The following NME7 variants were observed in gnomAD, a reference collection of about 807,000 sequenced individuals.
NME7 encodes the protein NME/NM23 family member 7.
A neutral mutation model predicts 49.1 loss-of-function variants in NME7; 41 were observed. The ratio of observed to expected loss-of-function variants is 0.83; its 90% confidence interval spans 0.65 to 1.08. The LOEUF is 1.08. Among genes scored for constraint, NME7 ranks in the 50% least tolerant of loss-of-function variants. The pLI, the probability that NME7 is intolerant of heterozygous loss-of-function variation, is 0.00. For missense variants in NME7, 423 were observed against 463.4 expected (o/e 0.91, Z 0.80); for synonymous variants, 139 against 150.6 (o/e 0.92, Z 0.56).
At chr1:169,143,516 C>T (rs1293772690) in intron 11 of NME7, among the ~76,000 whole-genome samples, 1 of 152,120 alleles carries the variant, frequency 6.6e-6, no homozygotes, top group African/African-American at 2.4e-5. Flanking sequence ...CACTACACAG[C>T]AATAATCAGA....
intron 1 of NME7, among the ~76,000 whole-genome samples, chr1:169,343,093 T>G (rs1652837223): frequency 6.7e-6 from 1 of 149,986 alleles, no homozygotes; most frequent in Non-Finnish European, 1.5e-5. Flanking sequence ...CTGTCTCACA[T>G]TGCCAGTTCC....
chr1:169,298,181 T>C (rs1571366882), intron 6 of NME7, among the ~76,000 whole-genome samples: 4 of 152,282 alleles, frequency 2.6e-5, no homozygotes, highest in Non-Finnish European at 5.9e-5. Context: ...AAGCACAGTG[T>C]TACGTCTGAA....
intron 11 of NME7, among the ~76,000 whole-genome samples, chr1:169,168,383 T>A (rs1250135101): frequency 1.3e-5 from 2 of 152,128 alleles, no homozygotes; most frequent in African/African-American, 4.8e-5. Flanking sequence ...CCCATATGAA[T>A]TTGCCATGGG....
rs576438521 is a variant in NME7 at position 169,275,476 on chromosome 1, C to T, written c.754+11827G>A. The stretch of plus-strand genomic sequence containing the variant: ...CCTGGGCGACAGAGCGAAACTCCGT[C>T]TCAAAAAAAAAAAAAAAAAAAAAAA... On this transcript the variant is annotated intron_variant, in intron 7 of 11. Coordinates refer to ENST00000367811, the MANE Select transcript of NME7 (RefSeq NM_013330.5). Among the ~76,000 whole-genome samples the T allele has an allele frequency of 7.0e-3, 335 of 47,556 alleles. 24 individuals carry two copies. Among genetic ancestry groups the T allele is most frequent in the Middle Eastern group, 0.036 (3 of 84 alleles). 31.2% of individuals were successfully genotyped at this position (47,556 alleles called of 152,430 possible).
intron 4 of NME7, among the ~76,000 whole-genome samples, chr1:169,307,230 TGGA>T (rs1185324333): frequency 6.6e-6 from 1 of 152,174 alleles, no homozygotes; most frequent in African/African-American, 2.4e-5. Context: ...GGAATGTCCC[TGGA>T]GAAGGGTCAG....
At position 169,329,396 on chromosome 1, in the gene NME7, G is replaced by GA. The variant is rs34676722; in HGVS notation, c.4-4897dup. Among the ~76,000 whole-genome samples, 328 of 98,172 alleles carry GA rather than the reference G, an allele frequency of 3.3e-3. 7 individuals are homozygous for GA. The highest frequency in any genetic ancestry group is 0.016 in the South Asian group (43 of 2,748). The allele number at this position is 98,172 out of a possible 152,430, so 64.4% of individuals were successfully genotyped here. A position where few individuals can be genotyped will look rare whatever the true frequency, so the allele number is the denominator to read the frequency against. On this transcript the variant is annotated intron_variant, in intron 1 of 11. Coordinates refer to ENST00000367811, the MANE Select transcript of NME7 (RefSeq NM_013330.5). ...AATTTCATGAAAATTTGTGTTTCCTGAAAAAAAAAAAAAAAAAAACCTCTG... is the reference window on the plus strand; with the variant it reads ...AATTTCATGAAAATTTGTGTTTCCTGAAAAAAAAAAAAAAAAAAAACCTCTG...
At chr1:169,248,038 A>C (rs1648397859) in intron 7 of NME7, among the ~76,000 whole-genome samples, 1 of 152,106 alleles carries the variant, frequency 6.6e-6, no homozygotes, top group African/African-American at 2.4e-5. Context: ...ATCTACTTTT[A>C]GTTCTTTAAG....
rs1326220313 is a variant in NME7, at chr1:169,257,351, C to T, written c.755-19664G>A. Reference sequence around the variant, plus strand: ...TCCAGGTGCTGTCCGGCATCCCTTTCTTTGACTCAGAAAGGGAACTCCCTG... The same window carrying T: ...TCCAGGTGCTGTCCGGCATCCCTTTTTTTGACTCAGAAAGGGAACTCCCTG... On this transcript the variant is annotated intron_variant, in intron 7 of 11. Coordinates refer to ENST00000367811, the MANE Select transcript of NME7 (RefSeq NM_013330.5). 3.7e-5 allele frequency among the ~76,000 whole-genome samples: 5 copies of T among 134,644 alleles called. 2 individuals are homozygous for T. Among genetic ancestry groups the T allele is most frequent in the Non-Finnish European group, 5.2e-5 (3 of 57,164 alleles). 88.3% of individuals were successfully genotyped at this position (134,644 alleles called of 152,430 possible).
At chr1:169,282,602 A>T (rs1650069916) in intron 7 of NME7, among the ~76,000 whole-genome samples, 1 of 152,072 alleles carries the variant, frequency 6.6e-6, no homozygotes, top group Non-Finnish European at 1.5e-5. Flanking sequence ...ATAATTTTCC[A>T]TCTAAAGACT....
At chr1:169,235,023 T>C (rs1365401445) in intron 9 of NME7, 108 bp downstream of exon 9, 1 of 510,914 alleles carries the variant, frequency 2.0e-6, no homozygotes, top group African/African-American at 2.0e-5. Flanking sequence ...TCTGTATTGA[T>C]TTTCAGTCTG....
At chr1:169,348,545 C>T (rs1324295916) in intron 1 of NME7, among the ~76,000 whole-genome samples, 3 of 152,028 alleles carry the variant, frequency 2.0e-5, no homozygotes, top group Non-Finnish European at 4.4e-5. Context: ...AATGCCACTT[C>T]AATATGATTA....
At chr1:169,172,847 C>A (rs1659645570) in intron 10 of NME7, among the ~76,000 whole-genome samples, 1 of 152,222 alleles carries the variant, frequency 6.6e-6, no homozygotes, top group Non-Finnish European at 1.5e-5. Context: ...GTAGTTTACA[C>A]TTCCAATATA....
At chr1:169,235,549 T>C (rs916070270) in intron 8 of NME7, among the ~76,000 whole-genome samples, 6 of 152,206 alleles carry the variant, frequency 3.9e-5, no homozygotes, top group African/African-American at 1.4e-4. Context: ...TCTGACCCCA[T>C]TGATAATACT....
At chr1:169,160,195 C>T (rs185446531) in intron 11 of NME7, among the ~76,000 whole-genome samples, 41 of 152,270 alleles carry the variant, frequency 2.7e-4, no homozygotes, top group African/African-American at 9.1e-4. Flanking sequence ...TACTTTATCC[C>T]TTTCTTCAAG....
chr1:169,326,699 T>C (rs1312505680), intron 1 of NME7, among the ~76,000 whole-genome samples: 3 of 152,182 alleles, frequency 2.0e-5, no homozygotes, highest in Non-Finnish European at 4.4e-5. Flanking sequence ...AAACTTAACT[T>C]TCTGGTTTAC....
rs1650815959 is a variant in NME7 at position 169,298,767 on chromosome 1, CA to C, written c.441-5del. ...TGTAATAAACTGGATCAGCTCACTA[CA>C]AAACAGATAGAAGATTAGTTTGCTT... On this transcript the variant is annotated splice_region_variant and splice_polypyrimidine_tract_variant and intron_variant, in intron 5 of 11. Coordinates refer to ENST00000367811, the MANE Select transcript of NME7 (RefSeq NM_013330.5). 3 of 1,611,602 alleles carry C rather than the reference CA, an allele frequency of 1.9e-6. No individual in the cohort carries two copies. The South Asian group carries it at 3.3e-5, about 18-fold the overall frequency.
rs988986574 is a variant in NME7, at chr1:169,335,636, A to C, written c.4-11136T>G. On this transcript the variant is annotated intron_variant, in intron 1 of 11. Coordinates refer to ENST00000367811, the MANE Select transcript of NME7 (RefSeq NM_013330.5). ...CATGGCACATGTGTACCTATGTAACAAACCTGCACGTTCTGCACATGTATC... is the reference window on the plus strand; with the variant it reads ...CATGGCACATGTGTACCTATGTAACCAACCTGCACGTTCTGCACATGTATC... Among the ~76,000 whole-genome samples, 6 of 151,244 alleles carry C rather than the reference A, an allele frequency of 4.0e-5. No individual in the cohort carries two copies. The East Asian group carries it at 1.2e-3, about 29-fold the overall frequency.
chr1:169,214,377 C>T lies in NME7; in HGVS notation c.990+16341G>A, dbSNP rs533096985. 9.2e-5 allele frequency among the ~76,000 whole-genome samples: 14 copies of T among 152,292 alleles called. No individual in the cohort carries two copies. The South Asian group carries it at 2.7e-3, about 29-fold the overall frequency. ...TTGTTTGAAACATGACTATAGAACC[C>T]GTGTGGCTCTTCTGAGTCCCCTGAG... On this transcript the variant is annotated intron_variant, in intron 10 of 11. Coordinates refer to ENST00000367811, the MANE Select transcript of NME7 (RefSeq NM_013330.5).
chr1:169,186,651 T>C (rs989555283), intron 10 of NME7, among the ~76,000 whole-genome samples: 8 of 152,110 alleles, frequency 5.3e-5, no homozygotes, highest in Non-Finnish European at 1.0e-4. Flanking sequence ...TTGAATCTTC[T>C]TTTTTTCTTT....
Sources: allele counts gnomAD v4.1 joint callset (sites outside exome capture counted in the v4.1 genomes callset), GRCh38; gene constraint gnomAD v4.1.1; transcripts MANE v1.5; gene names NCBI Gene and HGNC (gene_info 2026-07-23, HGNC 2026-07-21).